The following AUTS2 variants were observed in gnomAD, a reference collection of about 807,000 sequenced individuals.
AUTS2 encodes autism susceptibility gene 2 protein.
In AUTS2, 17 loss-of-function variants were observed where a neutral mutation model predicts 112.4. The observed-to-expected ratio is 0.15, with a 90% confidence interval of 0.10 to 0.23. The LOEUF (loss-of-function observed/expected upper bound fraction) is 0.23. Ranked by LOEUF, AUTS2 falls within the 10% of genes least tolerant of loss-of-function variation. The pLI, the probability that AUTS2 is intolerant of heterozygous loss-of-function variation, is 1.00. For synonymous variants in AUTS2, 751 were observed against 702.7 expected, an observed-to-expected ratio of 1.07 and a Z score of -1.09; for missense variants, 1,510 against 1,701.6, an observed-to-expected ratio of 0.89 and a Z score of 1.98.
chr7:70,546,375 T>C (rs1800779929), intron 5 of AUTS2, among the ~76,000 whole-genome samples: 1 of 151,760 alleles, frequency 6.6e-6, no homozygotes, highest in Non-Finnish European at 1.5e-5. Flanking sequence ...ACCCGGGAGG[T>C]GGAGGTTGCA....
In AUTS2 at chr7:70,564,954, C is replaced by T. The variant is rs574406061; in HGVS notation, c.690+129173C>T. ...CTCTACTAAAAATACAAAAATTAGCCGGGGGTGGTGGTGCTCGCCTGTAGT... is the reference window on the plus strand; with the variant it reads ...CTCTACTAAAAATACAAAAATTAGCTGGGGGTGGTGGTGCTCGCCTGTAGT... On this transcript the variant is annotated intron_variant, in intron 5 of 18. Coordinates refer to ENST00000342771, the MANE Select transcript of AUTS2 (RefSeq NM_015570.4). Among the ~76,000 whole-genome samples the T allele has an allele frequency of 4.0e-5, 6 of 151,866 alleles. No individual in the cohort carries two copies. The East Asian group carries it at 5.9e-4, about 15-fold the overall frequency.
At chr7:70,649,788 A>G (rs549440302) in intron 5 of AUTS2, among the ~76,000 whole-genome samples, 1 of 152,124 alleles carries the variant, frequency 6.6e-6, no homozygotes, top group African/African-American at 2.4e-5. Context: ...TCGGTGTCCA[A>G]AGTGCTGGGA....
At chr7:70,416,522 C>T (rs1794994389) in intron 4 of AUTS2, among the ~76,000 whole-genome samples, 1 of 152,208 alleles carries the variant, frequency 6.6e-6, no homozygotes, top group Non-Finnish European at 1.5e-5. Flanking sequence ...GCCACAGTAG[C>T]AGGCATTGCC....
At chr7:70,553,764 T>C (rs1434240110) in intron 5 of AUTS2, among the ~76,000 whole-genome samples, 1 of 135,944 alleles carries the variant, frequency 7.4e-6, no homozygotes, top group African/African-American at 2.8e-5. Flanking sequence ...TTCTTTCTTT[T>C]TTTTTTTTTT....
chr7:70,323,600 T>C (rs1373555706), intron 4 of AUTS2, among the ~76,000 whole-genome samples: 2 of 152,216 alleles, frequency 1.3e-5, no homozygotes, highest in African/African-American at 4.8e-5. Flanking sequence ...TAATCACTTC[T>C]GTTGTTTGGA....
chr7:69,873,022 T>G (rs1045663078), intron 1 of AUTS2, among the ~76,000 whole-genome samples: 1 of 151,648 alleles, frequency 6.6e-6, no homozygotes, highest in African/African-American at 2.4e-5. Flanking sequence ...TTTGTATTTT[T>G]AGTAGAGACA....
At chr7:70,232,365 C>T (rs972123203) in intron 4 of AUTS2, among the ~76,000 whole-genome samples, 7 of 151,628 alleles carry the variant, frequency 4.6e-5, no homozygotes, top group South Asian at 2.1e-4. Flanking sequence ...ACAGTTTTAA[C>T]GTGGTCAGCA....
intron 5 of AUTS2, 87 bp from the exon 6 acceptor site, chr7:70,698,481 TC>T (rs1809259162): frequency 6.0e-6 from 7 of 1,167,946 alleles, no homozygotes; most frequent in Admixed American, 2.0e-5. Context: ...TAAAATGTAG[TC>T]AACTGATTTA....
chr7:70,741,319 A>G (rs552817343), intron 6 of AUTS2, among the ~76,000 whole-genome samples: 1 of 151,966 alleles, frequency 6.6e-6, no homozygotes, highest in South Asian at 2.1e-4. Flanking sequence ...TTAGGGACCA[A>G]AAATTTATCA....
chr7:70,251,589 C>T (rs1786605501), intron 4 of AUTS2, among the ~76,000 whole-genome samples: 1 of 152,102 alleles, frequency 6.6e-6, no homozygotes, highest in African/African-American at 2.4e-5. Flanking sequence ...TTCCTCTTCT[C>T]TGGGAACTAA....
In AUTS2 at chr7:70,457,140, C is replaced by T. The variant is rs541997912; in HGVS notation, c.690+21359C>T. 4.0e-4 allele frequency among the ~76,000 whole-genome samples: 61 copies of T among 152,322 alleles called. 1 individual carries two copies. The highest frequency in any genetic ancestry group is 1.3e-3 in the African/African-American group (56 of 41,562). On this transcript the variant is annotated intron_variant, in intron 5 of 18. Transcript: ENST00000342771. ...AACAGTGCTGCTCTAGGTGTGGGGA[C>T]ACAGCCTTACGTTCCCTTTCTTCCA...
intron 4 of AUTS2, among the ~76,000 whole-genome samples, chr7:70,204,946 A>G (rs1050471623): frequency 1.6e-4 from 24 of 151,342 alleles, no homozygotes; most frequent in East Asian, 9.7e-4. Context: ...GTCTATAGGG[A>G]AAAAAAAAGG....
chr7:70,118,832 G>A (rs552613387), intron 3 of AUTS2: 7 of 152,260 alleles, frequency 4.6e-5, no homozygotes, highest in South Asian at 2.1e-4. Context: ...GTGAGAATGC[G>A]TCATACCTCT....
At chr7:70,704,362 C>T (rs1242389744) in intron 6 of AUTS2, among the ~76,000 whole-genome samples, 3 of 152,090 alleles carry the variant, frequency 2.0e-5, no homozygotes, top group East Asian at 1.9e-4. Context: ...ATGGAGGAGG[C>T]GTAGATTACA....
At chr7:70,306,238 T>C (rs1229498102) in intron 4 of AUTS2, among the ~76,000 whole-genome samples, 2 of 152,308 alleles carry the variant, frequency 1.3e-5, no homozygotes, top group South Asian at 2.1e-4. Flanking sequence ...CCGGGTCTGA[T>C]TGGTGAGTGA....
chr7:70,027,742 T>A (rs1800584716), intron 2 of AUTS2, among the ~76,000 whole-genome samples: 1 of 152,208 alleles, frequency 6.6e-6, no homozygotes, highest in African/African-American at 2.4e-5. Context: ...GTTTAATGAA[T>A]GAGAAAGACT....
At chr7:70,709,931 G>A (rs1353003751) in intron 6 of AUTS2, among the ~76,000 whole-genome samples, 1 of 152,146 alleles carries the variant, frequency 6.6e-6, no homozygotes, top group African/African-American at 2.4e-5. Flanking sequence ...AGATCTTAAA[G>A]GTAAGAGGGG....
At chr7:70,254,499 C>T (rs1172067728) in intron 4 of AUTS2, among the ~76,000 whole-genome samples, 1 of 152,216 alleles carries the variant, frequency 6.6e-6, no homozygotes, top group Admixed American at 6.5e-5. Flanking sequence ...AATTTAATCA[C>T]TTAATGTTCT....
intron 1 of AUTS2, among the ~76,000 whole-genome samples, chr7:69,698,000 CAA>C (rs912670794): frequency 1.3e-5 from 2 of 152,080 alleles, no homozygotes; most frequent in Non-Finnish European, 2.9e-5. Context: ...GACCTGAAGA[CAA>C]AGAGAAGGGA....
Sources: allele counts gnomAD v4.1 joint callset (sites outside exome capture counted in the v4.1 genomes callset), GRCh38; gene constraint gnomAD v4.1.1; transcripts MANE v1.5; gene names NCBI Gene and HGNC (gene_info 2026-07-23, HGNC 2026-07-21).